DIDO1: variants seen among roughly 807,000 people sequenced by gnomAD.
DIDO1 encodes death inducer-obliterator 1, also known as death-inducer obliterator 1.
Under a neutral mutation model 99.4 loss-of-function variants are expected in DIDO1, and 16 were observed. That is an observed-to-expected ratio of 0.16 (90% CI 0.11 to 0.24). The LOEUF (loss-of-function observed/expected upper bound fraction) is 0.24. Among genes scored for constraint, DIDO1 ranks in the 10% least tolerant of loss-of-function variants. The pLI is 1.00. For missense variants in DIDO1, 2,996 were observed against 3,014.0 expected (o/e 0.99, Z 0.14); for synonymous variants, 1,366 against 1,239.1 (o/e 1.10, Z -2.15).
chr20:62,897,188 A>C (rs1290960739), intron 6 of DIDO1, among the ~76,000 whole-genome samples, 192 bp from the exon 7 acceptor site: 1 of 152,252 alleles, frequency 6.6e-6, no homozygotes, highest in Non-Finnish European at 1.5e-5. Context: ...AGCAGCATTT[A>C]TGACGGTGAC....
At position 62,881,074 on chromosome 20, in the gene DIDO1, C is replaced by A; in HGVS notation, c.4882G>T (p.Gly1628Trp). 6.2e-7 allele frequency: 1 copy of A among 1,608,768 alleles called. No homozygotes were observed. ...PWASGEKPPA[G>W]SEQDGWKAEP... is the part of the protein sequence containing the mutation. ...GCCTTCCAGCCGTCCTGCTCGGACC[C>A]CGCTGGGGGCTTTTCGCCCGAAGCC... Residue 1628 changes from glycine to tryptophan, a missense_variant, in exon 16 of 16, where the codon GGG (glycine) becomes TGG (tryptophan). Around this residue, in one of 5 missense-constraint regions of DIDO1, gnomAD observed 1,562 missense variants for 1,412.6 expected, o/e 1.11. Transcript: ENST00000395343. The surrounding 1 kb of genome is among the most constrained non-coding windows in gnomAD (Gnocchi z 8.3).
chr20:62,904,916 CTG>C (rs1391226409), intron 6 of DIDO1: 2 of 915,142 alleles, frequency 2.2e-6, no homozygotes, highest in African/African-American at 1.8e-5. Context: ...GTGGGGCACT[CTG>C]TGATCATCTT....
At chr20:62,900,142 C>T (rs1325555743) in intron 6 of DIDO1, among the ~76,000 whole-genome samples, 3 of 152,228 alleles carry the variant, frequency 2.0e-5, no homozygotes, top group Non-Finnish European at 4.4e-5. Flanking sequence ...TGGTGGTGAC[C>T]TGGTCACACC....
upstream of DIDO1, among the ~76,000 whole-genome samples, chr20:62,929,758 G>GTT (rs35776708): frequency 1.4e-3 from 182 of 126,044 alleles, no homozygotes; most frequent in African/African-American, 5.2e-3. Flanking sequence ...CCACTGTTTT[G>GTT]TTTTTTTTTT....
chr20:62,882,181 C>G lies in DIDO1; in HGVS notation c.3775G>C (p.Gly1259Arg). The change falls in exon 16 of 16, where the codon GGG becomes CGG. Residue 1259 changes from glycine (G) to arginine (R), a missense_variant. Around this residue, in one of 5 missense-constraint regions of DIDO1, gnomAD observed 1,562 missense variants for 1,412.6 expected, o/e 1.11. Coordinates refer to ENST00000395343, the MANE Select transcript of DIDO1 (RefSeq NM_001193369.2). ...ADAAVSTTPPGSPPPPPPLPE... is the reference protein window; with the variant it reads ...ADAAVSTTPPRSPPPPPPLPE... ...AGAGGGGGCGGAGGCGGCGGCGACC[C>G]AGGAGGTGTGGTGCTGACAGCCGCG... 1.9e-6 allele frequency: 3 copies of G among 1,613,430 alleles called. No homozygotes were observed. The highest frequency in any genetic ancestry group is 2.5e-6 in the Non-Finnish European group (3 of 1,180,022).
chr20:62,895,266 G>A (rs2064493032), intron 8 of DIDO1, 101 bp from the exon 9 acceptor site: 2 of 1,091,454 alleles, frequency 1.8e-6, no homozygotes, highest in East Asian at 4.8e-5. Context: ...AGCGGGCACA[G>A]GACAAAGGCC....
rs773306161 is a variant in DIDO1, at chr20:62,880,377, T to A, written c.5579A>T (p.Tyr1860Phe). The A allele has an allele frequency of 6.2e-7, 1 of 1,612,828 alleles. No homozygotes were observed. Among genetic ancestry groups the A allele is most frequent in the South Asian group, 1.1e-5 (1 of 91,070 alleles). The change falls in exon 16 of 16, where the codon TAT (tyrosine) becomes TTT (phenylalanine). Residue 1860 changes from tyrosine to phenylalanine, a missense_variant. By Grantham distance (22) the Tyr-to-Phe change is conservative (BLOSUM62 3). This residue lies in a region of DIDO1 where 1,562 missense variants were observed against 1,412.6 expected (regional missense o/e 1.11). Coordinates refer to ENST00000395343, the MANE Select transcript of DIDO1 (RefSeq NM_001193369.2). ...GEKREFQDAP[Y>F]NEVTGAPAQF... ...GGCGGGGGCGCCCGTCACCTCGTTATACGGGGCGTCCTGGAACTCCCTCTT... is the reference window on the plus strand; with the variant it reads ...GGCGGGGGCGCCCGTCACCTCGTTAAACGGGGCGTCCTGGAACTCCCTCTT...
In DIDO1 at chr20:62,909,808, G is replaced by T; in HGVS notation, c.1052C>A (p.Thr351Lys). 6.2e-7 allele frequency: 1 copy of T among 1,614,178 alleles called. No homozygotes were observed. Among genetic ancestry groups the T allele is most frequent in the Non-Finnish European group, 8.5e-7 (1 of 1,180,038 alleles). ...RPGDADGTDC[T>K]SIGTIEQKSS... ...CTTCTGCTCTATTGTTCCTATACTT[G>T]TACAATCGGTGCCATCAGCATCTCC... Residue 351 changes from threonine to lysine, a missense_variant, in exon 4 of 16, where the codon ACA becomes AAA. Thr to Lys is a moderately conservative substitution (Grantham distance 78). This residue lies in a region of DIDO1 where 898 missense variants were observed against 972.7 expected (regional missense o/e 0.92). Transcript: ENST00000395343.
At chr20:62,922,178 ATGTATG>A (rs1433047419) in intron 1 of DIDO1, among the ~76,000 whole-genome samples, 23 of 149,146 alleles carry the variant, frequency 1.5e-4, no homozygotes, top group African/African-American at 5.5e-4. Flanking sequence ...GCTCTTTTAT[ATGTATG>A]TGTGTGTGTG....
chr20:62,880,355 G>A lies in DIDO1; in HGVS notation c.5601C>T (p.Pro1867=), dbSNP rs2064178257. 3 of 1,612,738 alleles carry A rather than the reference G, an allele frequency of 1.9e-6. No individual in the cohort carries two copies. Among genetic ancestry groups the A allele is most frequent in the African/African-American group, 2.7e-5 (2 of 74,946 alleles). The change falls in exon 16 of 16, where the codon CCC becomes CCT. Residue 1867 remains proline, a synonymous_variant. Transcript: ENST00000395343. The stretch of plus-strand genomic sequence containing the variant: ...CTTGCTCTGTCCCTTCAAACTGGGC[G>A]GGGGCGCCCGTCACCTCGTTATACG... ...DAPYNEVTGA[P]AQFEGTEQAP...
upstream of DIDO1, among the ~76,000 whole-genome samples, chr20:62,929,874 TC>T (rs1414670068): frequency 1.3e-5 from 2 of 151,322 alleles, no homozygotes; most frequent in Non-Finnish European, 2.9e-5. Flanking sequence ...GGTGTCACAA[TC>T]AAATCGTCCA....
rs774827945 is a variant in DIDO1 at position 62,880,725 on chromosome 20, C to T, written c.5231G>A (p.Gly1744Glu). The change falls in exon 16 of 16, where the codon GGG becomes GAG. Residue 1744 changes from glycine to glutamate, a missense_variant. Physicochemically the swap from Gly to Glu is moderately conservative, Grantham distance 98 (BLOSUM62 -2). Around this residue, in one of 5 missense-constraint regions of DIDO1, gnomAD observed 1,562 missense variants for 1,412.6 expected, o/e 1.11. Coordinates refer to ENST00000395343, the MANE Select transcript of DIDO1 (RefSeq NM_001193369.2). ...APLPPPGQKV[G>E]GSQPPFQGQR... The stretch of plus-strand genomic sequence containing the variant: ...ACCCTGAAACGGGGGCTGAGAGCCC[C>T]CCACTTTCTGTCCTGGTGGGGGGAG... 4 of 1,612,596 alleles carry T rather than the reference C, an allele frequency of 2.5e-6. No homozygotes were observed.
At chr20:62,924,878 A>T (rs1216250727) in intron 1 of DIDO1, among the ~76,000 whole-genome samples, 1 of 152,182 alleles carries the variant, frequency 6.6e-6, no homozygotes, top group Admixed American at 6.5e-5. Flanking sequence ...CTCTGGTGGA[A>T]AGCCTGAAAA....
chr20:62,929,386 C>G (rs1282460568), upstream of DIDO1: 1 of 152,432 alleles, frequency 6.6e-6, no homozygotes, highest in Admixed American at 6.5e-5. Context: ...CGCTGGGCTC[C>G]TCCTCTGCCC....
chr20:62,886,335 G>A (rs572928912), intron 15 of DIDO1, among the ~76,000 whole-genome samples: 19 of 152,348 alleles, frequency 1.2e-4, no homozygotes, highest in Admixed American at 3.3e-4. Context: ...TCTTCAGGGC[G>A]TACCACGTGC....
intron 6 of DIDO1, 26 bp downstream of exon 6, chr20:62,905,861 G>A (rs780283302): frequency 1.9e-6 from 3 of 1,614,124 alleles, no homozygotes; most frequent in Non-Finnish European, 1.7e-6. Context: ...AGGGGTCCAG[G>A]AGGCCAACCC....
chr20:62,914,143 T>C (rs1210991394), intron 2 of DIDO1, 67 bp downstream of exon 2: 1 of 152,198 alleles, frequency 6.6e-6, no homozygotes, highest in Non-Finnish European at 1.5e-5. Flanking sequence ...AAATGCCACT[T>C]TATAAATAGC....
intron 12 of DIDO1, 101 bp downstream of exon 12, chr20:62,893,565 G>C (rs2064444328): frequency 2.2e-6 from 3 of 1,357,356 alleles, no homozygotes; most frequent in Non-Finnish European, 3.0e-6. Context: ...CTGTATTTCA[G>C]GTTACATTTC....
At chr20:62,926,020 T>G (rs1252477871) in intron 1 of DIDO1, among the ~76,000 whole-genome samples, 1 of 151,374 alleles carries the variant, frequency 6.6e-6, no homozygotes, top group Non-Finnish European at 1.5e-5. Context: ...CGAGAATGCC[T>G]AGGGAAACCA....
Sources: gnomAD v4.1 joint callset for allele counts (sites outside exome capture counted in the v4.1 genomes callset) on GRCh38, gnomAD v4.1.1 for gene constraint, gnomAD v4.1.1 regional missense constraint, Gnocchi (gnomAD v3.1) non-coding constraint, MANE v1.5 for transcripts, NCBI Gene and HGNC (gene_info 2026-07-23, HGNC 2026-07-21) for gene names.